Variants in GRIK4 observed in about 807,000 individuals in gnomAD.
The protein encoded by GRIK4 is glutamate ionotropic receptor kainate type subunit 4.
GRIK4 carries 40 observed loss-of-function variants against 104.9 expected under a neutral mutation model. The ratio of observed to expected loss-of-function variants is 0.38; its 90% CI spans 0.30 to 0.50. The LOEUF is 0.50. GRIK4 is among the 20% of genes least tolerant of loss of function. The pLI is 0.93. For synonymous variants in GRIK4, 485 were observed against 524.9 expected, an observed-to-expected ratio of 0.92 and a Z score of 1.04; for missense variants, 1,047 against 1,308.1, an observed-to-expected ratio of 0.80 and a Z score of 3.08.
At chr11:120,923,693 A>G (rs1025801005) in intron 13 of GRIK4, among the ~76,000 whole-genome samples, 5 of 152,160 alleles carry the variant, frequency 3.3e-5, no homozygotes, top group African/African-American at 1.2e-4. Context: ...GATCACAGGC[A>G]TGAGCCACTG....
intron 1 of GRIK4, among the ~76,000 whole-genome samples, chr11:120,605,354 C>T (rs1195601746): frequency 6.6e-6 from 1 of 152,180 alleles, no homozygotes; most frequent in Non-Finnish European, 1.5e-5. Flanking sequence ...AGTCTCCTGC[C>T]CTCTCCAAGT....
In GRIK4 at chr11:120,943,107, T is replaced by TAC. The variant is rs1222269285; in HGVS notation, c.1590+2690_1590+2691dup. Among the ~76,000 whole-genome samples the TAC allele has an allele frequency of 2.9e-3, 311 of 106,938 alleles. 2 individuals are homozygous for TAC. Among genetic ancestry groups the TAC allele is most frequent in the Admixed American group, 4.7e-3 (46 of 9,754 alleles). 70.2% of individuals were successfully genotyped at this position (106,938 alleles called of 152,430 possible). ...CAATATCTCTATCTCTGTCCCTCTC[T>TAC]ACACACACACACACACACACACACA... On this transcript the variant is annotated intron_variant, in intron 14 of 20. Coordinates refer to ENST00000527524, the MANE Select transcript of GRIK4 (RefSeq NM_014619.5).
chr11:120,627,041 C>T lies in GRIK4; in HGVS notation c.-158-26644C>T, dbSNP rs573692939. Among the ~76,000 whole-genome samples the T allele has an allele frequency of 4.6e-5, 7 of 152,304 alleles. No homozygotes were observed. In the East Asian group the frequency reaches 7.7e-4, roughly 17 times the overall value. ...CCCTGGGCAGAGGCCACGTAGCAGG[C>T]GGGCCTGGCCCTGTTTGTGCTGATC... On this transcript the variant is annotated intron_variant, in intron 1 of 20. Coordinates refer to ENST00000527524, the MANE Select transcript of GRIK4 (RefSeq NM_014619.5).
chr11:120,737,156 G>A (rs1440239421), intron 3 of GRIK4, among the ~76,000 whole-genome samples: 1 of 152,174 alleles, frequency 6.6e-6, no homozygotes, highest in Non-Finnish European at 1.5e-5. Flanking sequence ...CCTGAGGATG[G>A]CCGGGAACCA....
intron 6 of GRIK4, among the ~76,000 whole-genome samples, chr11:120,823,545 A>C (rs75954141): frequency 0.064 from 9,675 of 152,224 alleles, 319 homozygotes; most frequent in Middle Eastern, 0.095. Flanking sequence ...GGCAAAGCTA[A>C]GACTTTATCT....
intron 3 of GRIK4, among the ~76,000 whole-genome samples, chr11:120,773,440 A>C (rs1206412552): frequency 6.6e-6 from 1 of 152,256 alleles, no homozygotes; most frequent in Non-Finnish European, 1.5e-5. Flanking sequence ...CTAGCTGAGC[A>C]AGAAGGAGCA....
At chr11:120,974,077 T>C (rs556074013) in intron 19 of GRIK4, among the ~76,000 whole-genome samples, 1 of 152,086 alleles carries the variant, frequency 6.6e-6, no homozygotes, top group Non-Finnish European at 1.5e-5. Flanking sequence ...CCAGCTAATT[T>C]TTGTATTTTT....
chr11:120,832,013 C>T lies in GRIK4; in HGVS notation c.673C>T (p.His225Tyr). ...CATCCACGCCAACGCCTCCATGTCC[C>T]ACACCATCCTCCTGAAGGTGGGAGC... Reference protein sequence around the residue: ...IIIHANASMSHTILLKAAELG... With the variant: ...IIIHANASMSYTILLKAAELG... Residue 225 changes from histidine (H) to tyrosine (Y), a missense_variant, in exon 7 of 21, where the codon CAC becomes TAC. By Grantham distance (83) the His-to-Tyr change is moderately conservative. Coordinates refer to ENST00000527524, the MANE Select transcript of GRIK4 (RefSeq NM_014619.5). 1 of 1,612,362 alleles carries T rather than the reference C, an allele frequency of 6.2e-7. No individual in the cohort carries two copies. Among genetic ancestry groups the T allele is most frequent in the Non-Finnish European group, 8.5e-7 (1 of 1,179,048 alleles).
chr11:120,892,359 A>T lies in GRIK4; in HGVS notation c.1165-6173A>T, dbSNP rs192715410. Among the ~76,000 whole-genome samples, 95 of 152,268 alleles carry T rather than the reference A, an allele frequency of 6.2e-4. 1 individual carries two copies. The highest frequency in any genetic ancestry group is 6.1e-3 in the Admixed American group (93 of 15,298). On this transcript the variant is annotated intron_variant, in intron 11 of 20. Transcript: ENST00000527524. ...AAGAATTGAAGGGTTTTAAGCAGGG[A>T]CTGGCGTGTATGTGAGATTTGGTAG...
chr11:120,953,995 G>C lies in GRIK4; in HGVS notation c.1700+1031G>C, dbSNP rs1313397436. 6.6e-6 allele frequency among the ~76,000 whole-genome samples: 1 copy of C among 152,168 alleles called. No individual in the cohort carries two copies. The highest frequency in any genetic ancestry group is 2.4e-5 in the African/African-American group (1 of 41,450). On this transcript the variant is annotated intron_variant, in intron 15 of 20. Coordinates refer to ENST00000527524, the MANE Select transcript of GRIK4 (RefSeq NM_014619.5). This position sits in a 1 kb window ranked among gnomAD's most constrained non-coding sequence, Gnocchi z 4.9. ...TTACCTTTGCCTCTAGGCCACAGTGGGAGGGCAGACAGTGTTAGAGTGCAC... is the reference window on the plus strand; with the variant it reads ...TTACCTTTGCCTCTAGGCCACAGTGCGAGGGCAGACAGTGTTAGAGTGCAC...
intron 6 of GRIK4, 97 bp from the exon 7 acceptor site, chr11:120,831,748 GACCCCAC>G: frequency 2.5e-6 from 2 of 802,688 alleles, no homozygotes; most frequent in Non-Finnish European, 2.0e-6. Flanking sequence ...CAGACCCCCC[GACCCCAC>G]TTCCAGCCCA....
At chr11:120,718,629 G>A (rs1950879282) in intron 3 of GRIK4, among the ~76,000 whole-genome samples, 1 of 152,224 alleles carries the variant, frequency 6.6e-6, no homozygotes. Flanking sequence ...AACATGTATT[G>A]AGCATTGTCT....
rs545882522 is a variant in GRIK4 at position 120,658,596 on chromosome 11, T to C, written c.-50-1673T>C. ...ACAGTAGTTTAAAATTTCATTTTCCTGATGCTTAATGAGGCTGAACACCTT... is the reference window on the plus strand; with the variant it reads ...ACAGTAGTTTAAAATTTCATTTTCCCGATGCTTAATGAGGCTGAACACCTT... On this transcript the variant is annotated intron_variant, in intron 2 of 20. Coordinates refer to ENST00000527524, the MANE Select transcript of GRIK4 (RefSeq NM_014619.5). Among the ~76,000 whole-genome samples, 5 of 152,288 alleles carry C rather than the reference T, an allele frequency of 3.3e-5. No individual in the cohort carries two copies. The South Asian group carries it at 1.0e-3, about 32-fold the overall frequency.
chr11:120,645,493 C>G (rs1206757403), intron 1 of GRIK4, among the ~76,000 whole-genome samples: 1 of 152,190 alleles, frequency 6.6e-6, no homozygotes, highest in Non-Finnish European at 1.5e-5. Flanking sequence ...TTGGTGAGCC[C>G]ATCATCTACT....
At chr11:120,595,235 G>A (rs1442786382) in intron 1 of GRIK4, among the ~76,000 whole-genome samples, 4 of 152,208 alleles carry the variant, frequency 2.6e-5, no homozygotes, top group Non-Finnish European at 5.9e-5. Context: ...ATGTGCACAC[G>A]CCATTCCCTC....
At chr11:120,550,724 A>G (rs1481744175) in intron 1 of GRIK4, among the ~76,000 whole-genome samples, 1 of 151,996 alleles carries the variant, frequency 6.6e-6, no homozygotes, top group Non-Finnish European at 1.5e-5. Context: ...ACACGGGAGA[A>G]GCATACAGAC....
chr11:120,593,428 T>G (rs1948760493), intron 1 of GRIK4, among the ~76,000 whole-genome samples: 1 of 152,166 alleles, frequency 6.6e-6, no homozygotes, highest in Non-Finnish European at 1.5e-5. Flanking sequence ...ATCTTGGTTC[T>G]CAGCAGCATT....
At chr11:120,644,011 C>CTCTGTA (rs1555150753) in intron 1 of GRIK4, among the ~76,000 whole-genome samples, 1 of 122,858 alleles carries the variant, frequency 8.1e-6, no homozygotes, top group Admixed American at 7.9e-5. Flanking sequence ...GGGAGAGGGT[C>CTCTGTA]TGTGTGTGTG....
chr11:120,917,565 G>A (rs1258703437), intron 13 of GRIK4, among the ~76,000 whole-genome samples: 2 of 152,234 alleles, frequency 1.3e-5, no homozygotes, highest in African/African-American at 4.8e-5. Flanking sequence ...ACCCGTGCAG[G>A]TGCGCTGCTT....
Sources: gnomAD v4.1 joint callset for allele counts (sites outside exome capture counted in the v4.1 genomes callset) on GRCh38, gnomAD v4.1.1 for gene constraint, Gnocchi (gnomAD v3.1) non-coding constraint, MANE v1.5 for transcripts, NCBI Gene and HGNC (gene_info 2026-07-23, HGNC 2026-07-21) for gene names.